Variants in PRDM16 observed in about 807,000 individuals in gnomAD.
PRDM16 encodes histone-lysine N-methyltransferase PRDM16.
A neutral mutation model predicts 110.6 loss-of-function variants in PRDM16; 23 were observed. That is an observed-to-expected ratio of 0.21 (90% CI 0.15 to 0.29). PRDM16 has a LOEUF of 0.29. Among genes scored for constraint, PRDM16 ranks in the 10% least tolerant of loss-of-function variants. PRDM16 has a pLI of 1.00. For synonymous variants in PRDM16, 799 were observed against 781.8 expected, an observed-to-expected ratio of 1.02 and a Z score of -0.37; for missense variants, 1,615 against 1,794.3, an observed-to-expected ratio of 0.90 and a Z score of 1.81.
At position 3,435,067 on chromosome 1, in the gene PRDM16, C is replaced by T. The variant is rs1030899259; in HGVS notation, c.*1256C>T. 29 of 226,946 alleles carry T rather than the reference C, an allele frequency of 1.3e-4. No individual in the cohort carries two copies. Among genetic ancestry groups the T allele is most frequent in the Admixed American group, 2.3e-4 (4 of 17,510 alleles). 14.1% of individuals were successfully genotyped at this position (226,946 alleles called of 1,614,324 possible). ...ACAGAAGGGCGTCGGGGGAACCTGC[C>T]GCAAGGAGCAGAGACAGCACAGCCC... On this transcript the variant is annotated 3_prime_UTR_variant, in exon 17 of 17. Coordinates refer to ENST00000270722, the MANE Select transcript of PRDM16 (RefSeq NM_022114.4).
intron 1 of PRDM16, among the ~76,000 whole-genome samples, chr1:3,171,832 G>A (rs866192378): frequency 3.3e-5 from 5 of 152,096 alleles, no homozygotes; most frequent in Non-Finnish European, 5.9e-5. Context: ...GTGGCCACCC[G>A]GGCCCTCCAC....
At chr1:3,134,175 C>T (rs868231625) in intron 1 of PRDM16, among the ~76,000 whole-genome samples, 7 of 152,292 alleles carry the variant, frequency 4.6e-5, no homozygotes, top group Middle Eastern at 3.4e-3. Context: ...CAGCACCTCC[C>T]GGCGCTGATG....
chr1:3,086,594 C>A (rs1642158057), intron 1 of PRDM16, among the ~76,000 whole-genome samples: 1 of 152,162 alleles, frequency 6.6e-6, no homozygotes, highest in Non-Finnish European at 1.5e-5. Context: ...TCTGGAAGCA[C>A]AAGGGCTGGG....
chr1:3,120,190 T>C lies in PRDM16; in HGVS notation c.37+50894T>C, dbSNP rs553971659. On this transcript the variant is annotated intron_variant, in intron 1 of 16. Transcript: ENST00000270722. The stretch of plus-strand genomic sequence containing the variant: ...AGTTCGCAGCTTGAAATCCAAGTAA[T>C]TAAGGCGATGGATTAAATCTGTGGG... Among the ~76,000 whole-genome samples the C allele has an allele frequency of 3.5e-4, 54 of 152,276 alleles. No individual in the cohort carries two copies. The South Asian group carries it at 7.5e-3, about 21-fold the overall frequency.
intron 5 of PRDM16, among the ~76,000 whole-genome samples, chr1:3,397,106 A>G (rs1643397943): frequency 6.6e-6 from 1 of 152,126 alleles, no homozygotes; most frequent in African/African-American, 2.4e-5. Flanking sequence ...CATTTAAGAG[A>G]GTGGATGATG....
At chr1:3,078,698 T>C (rs2742689) in intron 1 of PRDM16, among the ~76,000 whole-genome samples, 1 of 152,172 alleles carries the variant, frequency 6.6e-6, no homozygotes, top group African/African-American at 2.4e-5. Context: ...GCCAACGTTT[T>C]AGCGGAGGGA....
At chr1:3,171,524 C>G (rs1032391442) in intron 1 of PRDM16, among the ~76,000 whole-genome samples, 2 of 152,222 alleles carry the variant, frequency 1.3e-5, no homozygotes, top group African/African-American at 4.8e-5. Context: ...CCCAGGGTCA[C>G]TGGCCATCCC....
At chr1:3,088,622 C>T (rs866986150) in intron 1 of PRDM16, among the ~76,000 whole-genome samples, 14 of 151,178 alleles carry the variant, frequency 9.3e-5, no homozygotes, top group South Asian at 4.2e-4. Context: ...CCTGCCACCA[C>T]GCCTGGCTAA....
intron 1 of PRDM16, among the ~76,000 whole-genome samples, chr1:3,098,996 T>C (rs1467184246): frequency 2.6e-5 from 4 of 152,184 alleles, no homozygotes; most frequent in Admixed American, 2.0e-4. Flanking sequence ...AGCTGGTCCA[T>C]CCCTGGCTGA....
intron 2 of PRDM16, among the ~76,000 whole-genome samples, chr1:3,219,727 G>A (rs1178754600): frequency 6.6e-6 from 1 of 152,150 alleles, no homozygotes; most frequent in Non-Finnish European, 1.5e-5. Flanking sequence ...TGGCAGGAGC[G>A]GCCATCTCTC....
intron 5 of PRDM16, among the ~76,000 whole-genome samples, chr1:3,399,183 CT>C (rs1410473176): frequency 2.6e-5 from 4 of 152,234 alleles, no homozygotes; most frequent in Non-Finnish European, 5.9e-5. Flanking sequence ...TTCCCATATG[CT>C]TTTCTTTTGA....
At chr1:3,194,527 G>A (rs1413300399) in intron 2 of PRDM16, among the ~76,000 whole-genome samples, 1 of 151,858 alleles carries the variant, frequency 6.6e-6, no homozygotes, top group Non-Finnish European at 1.5e-5. Flanking sequence ...GGCTGGGGCA[G>A]GTCTGATAAT....
chr1:3,322,972 A>C (rs1641795727), intron 3 of PRDM16, among the ~76,000 whole-genome samples: 1 of 152,174 alleles, frequency 6.6e-6, no homozygotes, highest in Non-Finnish European at 1.5e-5. Flanking sequence ...TCTAGGCCCC[A>C]GTGCCCAGCA....
chr1:3,127,694 C>T (rs1643238729), intron 1 of PRDM16, among the ~76,000 whole-genome samples: 1 of 152,280 alleles, frequency 6.6e-6, no homozygotes, highest in Non-Finnish European at 1.5e-5. Context: ...CCCCCCTGGG[C>T]CATGTCCCCC....
At chr1:3,074,476 A>G (rs558305334) in intron 1 of PRDM16, among the ~76,000 whole-genome samples, 24 of 152,094 alleles carry the variant, frequency 1.6e-4, no homozygotes, top group South Asian at 8.3e-4. Context: ...CTCAAGGCCA[A>G]TGCTCAACTT....
At chr1:3,138,781 G>A (rs903459789) in intron 1 of PRDM16, among the ~76,000 whole-genome samples, 9 of 152,224 alleles carry the variant, frequency 5.9e-5, no homozygotes, top group African/African-American at 1.9e-4. Context: ...GTTGGTCATC[G>A]TGTGAGGAGG....
chr1:3,101,133 C>T (rs990703911), intron 1 of PRDM16, among the ~76,000 whole-genome samples: 16 of 152,118 alleles, frequency 1.1e-4, no homozygotes, highest in Non-Finnish European at 2.9e-5. Context: ...CTCGCTGTGC[C>T]CCTTCGGTCT....
intron 1 of PRDM16, among the ~76,000 whole-genome samples, chr1:3,099,702 G>A (rs867179073): frequency 3.3e-5 from 5 of 152,292 alleles, no homozygotes; most frequent in South Asian, 2.1e-4. Context: ...CAGGCTCACC[G>A]CTGTAGGCTG....
chr1:3,380,134 G>A (rs61043152), intron 3 of PRDM16, among the ~76,000 whole-genome samples: 46,336 of 146,796 alleles, frequency 0.32, 7,903 homozygotes, highest in East Asian at 0.56. Flanking sequence ...CTCCTAACAT[G>A]CCCCTCCCGG....
Sources: allele counts gnomAD v4.1 joint callset (sites outside exome capture counted in the v4.1 genomes callset), GRCh38; gene constraint gnomAD v4.1.1; transcripts MANE v1.5; gene names NCBI Gene and HGNC (gene_info 2026-07-23, HGNC 2026-07-21).